The following EYA1 variants were observed in gnomAD, a reference collection of about 807,000 sequenced individuals.
EYA1 encodes the protein EYA transcriptional coactivator and phosphatase 1, also known as protein phosphatase EYA1.
Under a neutral mutation model 82.0 loss-of-function variants are expected in EYA1, and 16 were observed. The observed-to-expected ratio is 0.20, with a 90% CI of 0.13 to 0.30. The LOEUF (loss-of-function observed/expected upper bound fraction) is 0.30, where lower values mean the gene tolerates loss of function less well. EYA1 is among the 10% of genes least tolerant of loss of function. The pLI is 1.00. For missense variants in EYA1, 633 were observed against 730.7 expected, an observed-to-expected ratio of 0.87 and a Z score of 1.54; for synonymous variants, 261 against 264.4, an observed-to-expected ratio of 0.99 and a Z score of 0.12.
intron 2 of EYA1, among the ~76,000 whole-genome samples, chr8:71,520,129 C>A (rs1039377626): frequency 6.6e-6 from 1 of 152,142 alleles, no homozygotes; most frequent in Non-Finnish European, 1.5e-5. Flanking sequence ...CCAGCAGGAA[C>A]CTTTTATGAG....
chr8:71,404,262 C>G (rs779977963), intron 2 of EYA1: 1 of 152,040 alleles, frequency 6.6e-6, no homozygotes, highest in Non-Finnish European at 1.5e-5. Context: ...TTGAAAAGCC[C>G]CAGCAAGAGG....
chr8:71,420,028 G>T (rs1831058348), intron 2 of EYA1, among the ~76,000 whole-genome samples: 1 of 152,064 alleles, frequency 6.6e-6, no homozygotes, highest in African/African-American at 2.4e-5. Flanking sequence ...TTAATAAATT[G>T]CACCTTCCTT....
chr8:71,498,995 G>A (rs1811616663), intron 2 of EYA1, among the ~76,000 whole-genome samples: 1 of 152,168 alleles, frequency 6.6e-6, no homozygotes, highest in Non-Finnish European at 1.5e-5. Context: ...CAAAGACAAG[G>A]TGCCCCCTGC....
At chr8:71,438,432 AT>A (rs1460527665) in intron 2 of EYA1, among the ~76,000 whole-genome samples, 1 of 152,064 alleles carries the variant, frequency 6.6e-6, no homozygotes, top group Admixed American at 6.6e-5. Flanking sequence ...TACCCTATAC[AT>A]AACATTGTGC....
chr8:71,483,978 C>T (rs28446899), intron 2 of EYA1, among the ~76,000 whole-genome samples: 11,468 of 152,220 alleles, frequency 0.075, 482 homozygotes, highest in South Asian at 0.12. Context: ...ATCTCAGCTG[C>T]GGTGTTCTTG....
At chr8:71,384,406 T>A (rs1306926175) in intron 2 of EYA1, among the ~76,000 whole-genome samples, 2 of 152,198 alleles carry the variant, frequency 1.3e-5, no homozygotes, top group Admixed American at 6.5e-5. Context: ...TTATCTCAGA[T>A]GGGGCCTGAC....
chr8:71,265,692 A>G (rs925274298), intron 11 of EYA1, among the ~76,000 whole-genome samples: 13 of 152,366 alleles, frequency 8.5e-5, no homozygotes, highest in African/African-American at 2.9e-4. Context: ...TTATAAGGAG[A>G]CCATTCAATG....
At chr8:71,215,900 C>T (rs1204163278) in intron 14 of EYA1, among the ~76,000 whole-genome samples, 172 bp from the exon 15 acceptor site, 8 of 152,214 alleles carry the variant, frequency 5.3e-5, no homozygotes, top group Admixed American at 5.2e-4. Flanking sequence ...GGTTTGGTTA[C>T]AGAAGTCATC....
At chr8:71,485,932 T>A (rs1332971426) in intron 2 of EYA1, among the ~76,000 whole-genome samples, 2 of 151,950 alleles carry the variant, frequency 1.3e-5, no homozygotes, top group Non-Finnish European at 2.9e-5. Flanking sequence ...GAGAGAAGAG[T>A]TGATAGCTTT....
At chr8:71,238,463 ACATCT>A (rs1812104470) in intron 12 of EYA1, among the ~76,000 whole-genome samples, 1 of 152,160 alleles carries the variant, frequency 6.6e-6, no homozygotes, top group Non-Finnish European at 1.5e-5. Flanking sequence ...AGAAAGAAAG[ACATCT>A]CATTTATTGA....
At chr8:71,368,796 C>A (rs1827909530) in intron 2 of EYA1, among the ~76,000 whole-genome samples, 1 of 152,020 alleles carries the variant, frequency 6.6e-6, no homozygotes, top group South Asian at 2.1e-4. Flanking sequence ...GGGACCACAC[C>A]TTTAACCTCT....
At chr8:71,329,494 A>G (rs895144435) in intron 4 of EYA1, among the ~76,000 whole-genome samples, 2 of 151,998 alleles carry the variant, frequency 1.3e-5, no homozygotes, top group Non-Finnish European at 2.9e-5. Context: ...CTTCAGCTCT[A>G]CTGTCCATCC....
At chr8:71,333,383 T>C (rs766986690) in intron 4 of EYA1, among the ~76,000 whole-genome samples, 4 of 152,064 alleles carry the variant, frequency 2.6e-5, no homozygotes, top group Non-Finnish European at 4.4e-5. Flanking sequence ...AGAGAGGTGC[T>C]AAAATTATAG....
At chr8:71,526,603 T>C (rs1350438720) in intron 2 of EYA1, among the ~76,000 whole-genome samples, 2 of 152,192 alleles carry the variant, frequency 1.3e-5, no homozygotes, top group East Asian at 3.9e-4. Context: ...CCCATGGTTG[T>C]TGTGGAAGGC....
chr8:71,274,030 C>CT (rs1182943788), intron 9 of EYA1, among the ~76,000 whole-genome samples: 4 of 152,166 alleles, frequency 2.6e-5, no homozygotes, highest in East Asian at 1.9e-4. Flanking sequence ...ATTATTATCA[C>CT]TTTTTTTGGA....
chr8:71,202,112 T>G (rs527338371), intron 17 of EYA1, among the ~76,000 whole-genome samples: 2 of 152,318 alleles, frequency 1.3e-5, no homozygotes, highest in South Asian at 2.1e-4. Context: ...TTCTTTTGCA[T>G]GTCAATTGTC....
At chr8:71,236,503 TATTTC>T (rs1383528361) in intron 12 of EYA1, among the ~76,000 whole-genome samples, 1 of 152,184 alleles carries the variant, frequency 6.6e-6, no homozygotes, top group Non-Finnish European at 1.5e-5. Context: ...TATTTTAATT[TATTTC>T]ATTTTTAATC....
intron 1 of EYA1, among the ~76,000 whole-genome samples, chr8:71,544,089 G>A (rs528387667): frequency 6.6e-6 from 1 of 152,248 alleles, no homozygotes; most frequent in Middle Eastern, 3.4e-3. Flanking sequence ...AAATCATTAA[G>A]CTGTCAGAAA....
chr8:71,302,688 C>T (rs1208494947), intron 7 of EYA1, among the ~76,000 whole-genome samples: 1 of 141,884 alleles, frequency 7.0e-6, no homozygotes, highest in Non-Finnish European at 1.6e-5. Flanking sequence ...CGCAGGGCCA[C>T]TCCACCTGCC....
Sources: allele counts gnomAD v4.1 joint callset (sites outside exome capture counted in the v4.1 genomes callset), GRCh38; gene constraint gnomAD v4.1.1; transcripts MANE v1.5; gene names NCBI Gene and HGNC (gene_info 2026-07-23, HGNC 2026-07-21).